WIPF1: variants seen among roughly 807,000 people sequenced by gnomAD.
WIPF1 encodes WAS/WASL-interacting protein family member 1.
In WIPF1, 13 loss-of-function variants were observed where a neutral mutation model predicts 35.4. That is an observed-to-expected ratio of 0.37 (90% CI 0.24 to 0.58). The LOEUF is 0.58. Ranked by LOEUF, WIPF1 falls within the 20% of genes least tolerant of loss-of-function variation. The pLI is 0.74. For synonymous variants in WIPF1, 267 were observed against 266.3 expected, an observed-to-expected ratio of 1.00 and a Z score of -0.02; for missense variants, 591 against 667.0, an observed-to-expected ratio of 0.89 and a Z score of 1.25.
chr2:174,580,625 G>A (rs768840982), intron 3 of WIPF1, among the ~76,000 whole-genome samples: 4 of 152,214 alleles, frequency 2.6e-5, no homozygotes, highest in Non-Finnish European at 5.9e-5. Flanking sequence ...ACAGGCTTAA[G>A]ATCTACTTAT....
upstream of WIPF1, among the ~76,000 whole-genome samples, chr2:174,600,804 G>T (rs34118383): frequency 0.22 from 33,560 of 150,042 alleles, 3,870 homozygotes; most frequent in Middle Eastern, 0.39. Flanking sequence ...TAATGCAGGT[G>T]TTTGACTGCT....
chr2:174,595,290 CA>C (rs377491345), intron 1 of WIPF1, among the ~76,000 whole-genome samples: 159 of 45,284 alleles, frequency 3.5e-3, no homozygotes, highest in East Asian at 0.018. Context: ...AACCCTGTCT[CA>C]AAAAAAAAAA....
At chr2:174,674,220 T>C (rs1001831125) in intron 1 of WIPF1, among the ~76,000 whole-genome samples, 3 of 152,230 alleles carry the variant, frequency 2.0e-5, no homozygotes, top group Non-Finnish European at 2.9e-5. Context: ...AGTCCAGGTT[T>C]AAATTCCTAT....
At chr2:174,576,773 C>A (rs1685077990) in intron 3 of WIPF1, among the ~76,000 whole-genome samples, 2 of 152,078 alleles carry the variant, frequency 1.3e-5, no homozygotes, top group African/African-American at 4.8e-5. Context: ...GGTATTTGTC[C>A]AAAGAAGTGC....
chr2:174,608,179 A>T (rs942890548), intron 1 of WIPF1, among the ~76,000 whole-genome samples: 1 of 152,172 alleles, frequency 6.6e-6, no homozygotes, highest in Non-Finnish European at 1.5e-5. Context: ...GAGATGACTG[A>T]CTTGGAAAAG....
intron 7 of WIPF1, chr2:174,566,343 T>G (rs1394147980): frequency 6.6e-6 from 1 of 152,234 alleles, no homozygotes; most frequent in East Asian, 1.9e-4. Context: ...ACATTCTTCT[T>G]CAATGGAGGA....
chr2:174,577,675 C>T (rs1238323969), intron 3 of WIPF1, among the ~76,000 whole-genome samples: 1 of 152,062 alleles, frequency 6.6e-6, no homozygotes, highest in Non-Finnish European at 1.5e-5. Context: ...CCTGTAATCC[C>T]AACACTTTGG....
intron 1 of WIPF1, among the ~76,000 whole-genome samples, chr2:174,661,083 T>A (rs1448150001): frequency 1.3e-5 from 2 of 152,208 alleles, no homozygotes; most frequent in African/African-American, 4.8e-5. Context: ...CACCCATCCT[T>A]TGAATCCCAA....
chr2:174,638,612 T>TTTTTAAGATTCCG (rs1687234358), intron 1 of WIPF1, among the ~76,000 whole-genome samples: 1 of 152,178 alleles, frequency 6.6e-6, no homozygotes, highest in Non-Finnish European at 1.5e-5. Context: ...AACCTTTTTT[T>TTTTTAAGATTCCG]TTTTAAGATT....
At chr2:174,609,508 G>A (rs1279044122) in intron 1 of WIPF1, among the ~76,000 whole-genome samples, 5 of 151,968 alleles carry the variant, frequency 3.3e-5, no homozygotes, top group South Asian at 2.1e-4. Context: ...GTGATCCTAC[G>A]CATACACGCA....
At chr2:174,669,352 TTTAA>T (rs1256891537) in intron 1 of WIPF1, among the ~76,000 whole-genome samples, 1 of 152,240 alleles carries the variant, frequency 6.6e-6, no homozygotes, top group Non-Finnish European at 1.5e-5. Flanking sequence ...TCTAGACCTG[TTTAA>T]TTGTGGTCAA....
intron 1 of WIPF1, among the ~76,000 whole-genome samples, chr2:174,645,768 C>T (rs551785813): frequency 6.6e-5 from 10 of 152,358 alleles, no homozygotes; most frequent in Non-Finnish European, 8.8e-5. Context: ...TATTCTTCTT[C>T]GGCATAACAC....
chr2:174,620,665 G>A (rs925749324), intron 1 of WIPF1, among the ~76,000 whole-genome samples: 2 of 152,190 alleles, frequency 1.3e-5, no homozygotes, highest in Non-Finnish European at 2.9e-5. Context: ...AGGTGCTGTA[G>A]TAAAAGGGGG....
chr2:174,609,748 C>T (rs531581954), intron 1 of WIPF1, among the ~76,000 whole-genome samples: 60 of 152,288 alleles, frequency 3.9e-4, no homozygotes, highest in African/African-American at 1.3e-3. Context: ...TCAGTCGGGG[C>T]TGGGAGCCAC....
intron 1 of WIPF1, among the ~76,000 whole-genome samples, chr2:174,592,082 G>A (rs1685634246): frequency 6.6e-6 from 1 of 152,184 alleles, no homozygotes; most frequent in Admixed American, 6.5e-5. Context: ...ACTCATCCCT[G>A]AATGTAAAAT....
chr2:174,614,356 A>G (rs1028321910), intron 1 of WIPF1, among the ~76,000 whole-genome samples: 1 of 152,214 alleles, frequency 6.6e-6, no homozygotes, highest in Non-Finnish European at 1.5e-5. Context: ...CCAACTAGGG[A>G]ATGGAAGACT....
intron 3 of WIPF1, among the ~76,000 whole-genome samples, chr2:174,575,701 G>A (rs1685036440): frequency 6.6e-6 from 1 of 152,174 alleles, no homozygotes; most frequent in African/African-American, 2.4e-5. Flanking sequence ...TTCAGGCTGG[G>A]TGCAGTGGCT....
chr2:174,664,936 A>G (rs1449401003), intron 1 of WIPF1, among the ~76,000 whole-genome samples: 1 of 152,204 alleles, frequency 6.6e-6, no homozygotes, highest in African/African-American at 2.4e-5. Flanking sequence ...CCAGGCCTGG[A>G]TCTTTCTTAT....
At chr2:174,595,103 A>ATATATATAT in intron 1 of WIPF1, among the ~76,000 whole-genome samples, 1 of 41,280 alleles carries the variant, frequency 2.4e-5, no homozygotes, top group Non-Finnish European at 4.6e-5. Context: ...AAAAAAAAAA[A>ATATATATAT]AAAAAAATAT....
Sources: allele counts gnomAD v4.1 joint callset (sites outside exome capture counted in the v4.1 genomes callset), GRCh38; gene constraint gnomAD v4.1.1; transcripts MANE v1.5; gene names NCBI Gene and HGNC (gene_info 2026-07-23, HGNC 2026-07-21).